The following SMCHD1 variants were observed in gnomAD, a reference collection of about 807,000 sequenced individuals.
SMCHD1 encodes structural maintenance of chromosomes flexible hinge domain containing 1, also known as structural maintenance of chromosomes flexible hinge domain-containing protein 1.
In SMCHD1, 78 loss-of-function variants were observed where a neutral mutation model predicts 254.7. The ratio of observed to expected loss-of-function variants is 0.31; its 90% CI spans 0.26 to 0.37. The LOEUF is 0.37. SMCHD1 is among the 10% of genes least tolerant of loss of function. The pLI is 1.00. For synonymous variants in SMCHD1, 766 were observed against 794.9 expected, an observed-to-expected ratio of 0.96 and a Z score of 0.61; for missense variants, 1,840 against 2,408.1, an observed-to-expected ratio of 0.76 and a Z score of 4.94.
intron 31 of SMCHD1, 39 bp downstream of exon 31, chr18:2,750,161 G>A: frequency 6.5e-7 from 1 of 1,543,050 alleles, no homozygotes; most frequent in East Asian, 2.4e-5. Flanking sequence ...GTGTTATAGA[G>A]ATTCGTTTTT....
At chr18:2,779,255 G>T (rs2076116891) in intron 44 of SMCHD1, among the ~76,000 whole-genome samples, 1 of 152,134 alleles carries the variant, frequency 6.6e-6, no homozygotes, top group Non-Finnish European at 1.5e-5. Flanking sequence ...AACTGGGGTG[G>T]TGGCAGCTCT....
chr18:2,729,481 A>AT, intron 24 of SMCHD1, 72 bp downstream of exon 24: 7 of 1,168,424 alleles, frequency 6.0e-6, no homozygotes, highest in East Asian at 3.1e-5. Flanking sequence ...GCTTAATAAC[A>AT]TTTTTTGCAA....
At chr18:2,787,085 C>A (rs1047982188) in intron 45 of SMCHD1, among the ~76,000 whole-genome samples, 3 of 152,152 alleles carry the variant, frequency 2.0e-5, no homozygotes, top group Non-Finnish European at 4.4e-5. Context: ...CTGAAAAGTT[C>A]AAGATTGGGC....
chr18:2,770,653 T>A (rs2075960994), intron 39 of SMCHD1, among the ~76,000 whole-genome samples: 1 of 152,002 alleles, frequency 6.6e-6, no homozygotes, highest in Non-Finnish European at 1.5e-5. Flanking sequence ...TGAGACACAG[T>A]CTCTGTCGCC....
Position 2,706,477 on chromosome 18 carries a change from C to G in SMCHD1, c.2063+7C>G. On this transcript the variant is annotated splice_region_variant and intron_variant, in intron 15 of 47. Transcript: ENST00000320876. ...TAGAAGATGAAATGGCAAGGTAAGT[C>G]ACACTTCAAGATGCATGACAAAAAT... is the stretch of plus-strand genomic sequence containing the variant. The G allele has an allele frequency of 6.4e-7, 1 of 1,558,206 alleles. No individual in the cohort carries two copies. Among genetic ancestry groups the G allele is most frequent in the East Asian group, 2.3e-5 (1 of 43,092 alleles).
rs2075163333 is a variant in SMCHD1, at chr18:2,732,547, G to A, written c.3276+55G>A. ...TAAGAACTTTTTAAATTTTATGTTT[G>A]TAAGACTGAACAAGCCGTTTTATGG... On this transcript the variant is annotated intron_variant, in intron 25 of 47. Transcript: ENST00000320876. The A allele has an allele frequency of 6.7e-6, 8 of 1,195,612 alleles. No individual in the cohort carries two copies. The East Asian group carries it at 1.8e-4, about 27-fold the overall frequency. 74.1% of individuals were successfully genotyped at this position (1,195,612 alleles called of 1,614,324 possible). A position where few individuals can be genotyped will look rare whatever the true frequency, so the allele number is the denominator to read the frequency against.
intron 45 of SMCHD1, among the ~76,000 whole-genome samples, chr18:2,793,396 G>C (rs1388074819): frequency 1.3e-5 from 2 of 152,144 alleles, no homozygotes; most frequent in Admixed American, 6.6e-5. Flanking sequence ...AGGCGCAGTG[G>C]CTCATGCCTG....
intron 15 of SMCHD1, 193 bp from the exon 16 acceptor site, chr18:2,707,370 C>CTT (rs201643920): frequency 6.4e-6 from 2 of 311,126 alleles, no homozygotes; most frequent in Non-Finnish European, 1.2e-5. Flanking sequence ...TTTTCTTCTT[C>CTT]TTTTTTTTCA....
At chr18:2,782,414 T>C (rs751010782) in intron 44 of SMCHD1, among the ~76,000 whole-genome samples, 1 of 152,148 alleles carries the variant, frequency 6.6e-6, no homozygotes, top group Non-Finnish European at 1.5e-5. Flanking sequence ...AACAAGATAA[T>C]AGAAAATCTA....
chr18:2,751,145 G>T, intron 32 of SMCHD1, 133 bp from the exon 33 acceptor site: 1 of 562,032 alleles, frequency 1.8e-6, no homozygotes. Flanking sequence ...TTCTTCATCA[G>T]AATTGTATTA....
chr18:2,775,660 T>G, intron 41 of SMCHD1, 74 bp from the exon 42 acceptor site: 2 of 1,320,840 alleles, frequency 1.5e-6, no homozygotes, highest in Non-Finnish European at 1.0e-6. Flanking sequence ...TTACCTAGGC[T>G]TGGGCTTTTA....
chr18:2,703,033 ATCT>A (rs1190102645), intron 12 of SMCHD1, among the ~76,000 whole-genome samples: 1 of 152,208 alleles, frequency 6.6e-6, no homozygotes, highest in African/African-American at 2.4e-5. Flanking sequence ...GCAAAAACAC[ATCT>A]TCTTAAGTAT....
In SMCHD1 at chr18:2,784,615, C is replaced by T; in HGVS notation, c.5713C>T (p.Gln1905Ter). 6.3e-7 allele frequency: 1 copy of T among 1,578,166 alleles called. No homozygotes were observed. Among genetic ancestry groups the T allele is most frequent in the Non-Finnish European group, 8.6e-7 (1 of 1,167,458 alleles). The change falls in exon 45 of 48, where the codon CAA becomes TAA. Residue 1905 changes from glutamine to a stop codon, truncating the protein, a stop_gained. Transcript: ENST00000320876. LOFTEE classifies it high-confidence loss of function. ...AAAACAGTGTCTGATCTTAGGGGAA[C>T]AAATAGGTAAGTTGAATAAGTACTT... ...VPKQCLILGE[Q>*]IDLLQQYRSA...
intron 37 of SMCHD1, among the ~76,000 whole-genome samples, chr18:2,769,188 A>T (rs1166332718): frequency 6.6e-6 from 1 of 152,154 alleles, no homozygotes; most frequent in Non-Finnish European, 1.5e-5. Context: ...GACACAATTT[A>T]AAAAATCTTT....
chr18:2,784,812 C>CT (rs1234512391), intron 45 of SMCHD1, 191 bp downstream of exon 45: 1 of 648,372 alleles, frequency 1.5e-6, no homozygotes, highest in South Asian at 1.5e-5. Context: ...TAAATAGTAG[C>CT]TTTATCCTTT....
chr18:2,686,460 A>G (rs2143933853), intron 5 of SMCHD1, among the ~76,000 whole-genome samples: 1 of 152,308 alleles, frequency 6.6e-6, no homozygotes, highest in Admixed American at 6.5e-5. Context: ...TCAATTTTCT[A>G]CCAGCTTGCA....
chr18:2,728,624 G>C (rs1440048543), intron 23 of SMCHD1, 28 bp downstream of exon 23: 5 of 1,604,084 alleles, frequency 3.1e-6, no homozygotes, highest in Non-Finnish European at 4.3e-6. Flanking sequence ...TATTTAGATT[G>C]AGTCCCATTG....
chr18:2,660,737 A>G (rs1265309), intron 1 of SMCHD1, among the ~76,000 whole-genome samples: 26,642 of 151,904 alleles, frequency 0.18, 5,747 homozygotes, highest in African/African-American at 0.52. Context: ...CTCGGCCTCC[A>G]AAAGTGCTGG....
intron 1 of SMCHD1, among the ~76,000 whole-genome samples, chr18:2,664,299 G>A (rs1377934329): frequency 5.9e-5 from 9 of 151,718 alleles, no homozygotes; most frequent in African/African-American, 2.2e-4. Flanking sequence ...ATGTTTAAAA[G>A]TATCTTTTTA....
Sources: allele counts gnomAD v4.1 joint callset (sites outside exome capture counted in the v4.1 genomes callset), GRCh38; gene constraint gnomAD v4.1.1; transcripts MANE v1.5; gene names NCBI Gene and HGNC (gene_info 2026-07-23, HGNC 2026-07-21).